NSMCE2: variants seen among roughly 807,000 people sequenced by gnomAD.
NSMCE2 encodes E3 SUMO-protein ligase NSE2.
Under a neutral mutation model 23.8 loss-of-function variants are expected in NSMCE2, and 24 were observed. That is an observed-to-expected ratio of 1.01 (90% CI 0.73 to 1.42). The LOEUF is 1.42. NSMCE2 is among the 40% of genes most tolerant of loss of function. The pLI is 0.00. For missense variants in NSMCE2, 284 were observed against 296.5 expected, an observed-to-expected ratio of 0.96 and a Z score of 0.31; for synonymous variants, 92 against 94.1, an observed-to-expected ratio of 0.98 and a Z score of 0.13.
intron 5 of NSMCE2, among the ~76,000 whole-genome samples, chr8:125,257,689 A>G (rs1826502599): frequency 6.6e-6 from 1 of 151,910 alleles, no homozygotes; most frequent in Non-Finnish European, 1.5e-5. Flanking sequence ...GCTCACCACC[A>G]TGCCTGTCGA....
intron 5 of NSMCE2, among the ~76,000 whole-genome samples, chr8:125,328,783 C>G (rs1325856386): frequency 6.6e-6 from 1 of 151,144 alleles, no homozygotes; most frequent in Non-Finnish European, 1.5e-5. Flanking sequence ...GTTTTTTTTT[C>G]TGTTTTATTT....
intron 5 of NSMCE2, among the ~76,000 whole-genome samples, chr8:125,225,637 T>C (rs1392563651): frequency 6.6e-6 from 1 of 152,238 alleles, no homozygotes; most frequent in Admixed American, 6.5e-5. Context: ...CATTGTGCTC[T>C]GGGGTATATT....
chr8:125,366,814 C>T lies in NSMCE2; in HGVS notation c.673C>T (p.Leu225Phe). 1 of 1,613,538 alleles carries T rather than the reference C, an allele frequency of 6.2e-7. No homozygotes were observed. Among genetic ancestry groups the T allele is most frequent in the Non-Finnish European group, 8.5e-7 (1 of 1,179,448 alleles). The change falls in exon 8 of 8, where the codon CTT becomes TTT. Residue 225 changes from leucine to phenylalanine, a missense_variant. Transcript: ENST00000287437. ...CSHTDIRKSDLIQDEALRRAI... is the reference protein window; with the variant it reads ...CSHTDIRKSDFIQDEALRRAI... ...CCACACGGATATAAGAAAGTCAGAT[C>T]TTATCCAGGATGAAGCACTTAGAAG...
rs1257684571 is a variant in NSMCE2 at position 125,091,908 on chromosome 8, T to G, written c.-161T>G. 6.6e-6 allele frequency: 1 copy of G among 152,296 alleles called. No individual in the cohort carries two copies. Among genetic ancestry groups the G allele is most frequent in the Non-Finnish European group, 1.5e-5 (1 of 68,160 alleles). 9.4% of individuals were successfully genotyped at this position (152,296 alleles called of 1,614,324 possible). On this transcript the variant is annotated 5_prime_UTR_variant, in exon 1 of 8. Coordinates refer to ENST00000287437, the MANE Select transcript of NSMCE2 (RefSeq NM_173685.4). ...GGGGGCTGAGGAAAGGAGGTGGGTCTAGGCAGGGGAAATTGGGGTGCCACC... is the reference window on the plus strand; with the variant it reads ...GGGGGCTGAGGAAAGGAGGTGGGTCGAGGCAGGGGAAATTGGGGTGCCACC...
At chr8:125,172,043 T>C (rs374435320) in intron 4 of NSMCE2, among the ~76,000 whole-genome samples, 4 of 152,218 alleles carry the variant, frequency 2.6e-5, no homozygotes, top group African/African-American at 9.6e-5. Context: ...ATTAATTCAT[T>C]TAATACTCAA....
intron 3 of NSMCE2, among the ~76,000 whole-genome samples, chr8:125,107,708 A>T (rs1333429864): frequency 5.3e-5 from 8 of 152,204 alleles, no homozygotes; most frequent in Admixed American, 5.2e-4. Flanking sequence ...AAAGAAAAAC[A>T]AACAAACCCA....
chr8:125,093,690 T>A (rs1197189649), intron 1 of NSMCE2, among the ~76,000 whole-genome samples: 2 of 151,974 alleles, frequency 1.3e-5, no homozygotes, highest in Non-Finnish European at 2.9e-5. Flanking sequence ...GCCACTGCAC[T>A]CCAGTTTGGG....
intron 5 of NSMCE2, among the ~76,000 whole-genome samples, chr8:125,242,924 CT>C (rs201267448): frequency 2.0e-5 from 3 of 151,600 alleles, no homozygotes; most frequent in Admixed American, 6.6e-5. Flanking sequence ...GCTGCAGTCA[CT>C]TTTTTTTTCT....
intron 5 of NSMCE2, among the ~76,000 whole-genome samples, chr8:125,328,745 A>G (rs772864765): frequency 6.6e-6 from 1 of 151,974 alleles, no homozygotes; most frequent in Non-Finnish European, 1.5e-5. Flanking sequence ...CTTTTCATTC[A>G]TCCCTGTCAT....
intron 5 of NSMCE2, among the ~76,000 whole-genome samples, chr8:125,231,455 A>G (rs1825319530): frequency 6.6e-6 from 1 of 152,230 alleles, no homozygotes; most frequent in Non-Finnish European, 1.5e-5. Flanking sequence ...GTAGTGATAC[A>G]TCTCAGAGAT....
chr8:125,264,367 A>G (rs1298265538), intron 5 of NSMCE2, among the ~76,000 whole-genome samples: 1 of 152,030 alleles, frequency 6.6e-6, no homozygotes, highest in Admixed American at 6.5e-5. Context: ...CATGCCTGTC[A>G]CTCTCAGCAG....
At chr8:125,272,737 A>C (rs1206761355) in intron 5 of NSMCE2, among the ~76,000 whole-genome samples, 1 of 132,236 alleles carries the variant, frequency 7.6e-6, no homozygotes, top group African/African-American at 2.9e-5. Context: ...ATACACACAC[A>C]CACATATATA....
At chr8:125,192,615 A>G (rs1823407269) in intron 5 of NSMCE2, among the ~76,000 whole-genome samples, 1 of 152,222 alleles carries the variant, frequency 6.6e-6, no homozygotes, top group South Asian at 2.1e-4. Context: ...GAGCACAGTC[A>G]TACAATTTTA....
chr8:125,192,398 G>T (rs1299442791), intron 5 of NSMCE2, among the ~76,000 whole-genome samples: 1 of 150,388 alleles, frequency 6.6e-6, no homozygotes, highest in African/African-American at 2.5e-5. Flanking sequence ...GTTATTGTGT[G>T]TATAGCAAGT....
chr8:125,118,730 G>T (rs749530372), intron 3 of NSMCE2, among the ~76,000 whole-genome samples: 5 of 152,100 alleles, frequency 3.3e-5, no homozygotes, highest in Non-Finnish European at 7.4e-5. Flanking sequence ...AGAACTATAC[G>T]ACTATTAAGG....
At chr8:125,111,701 A>G (rs1481662337) in intron 3 of NSMCE2, among the ~76,000 whole-genome samples, 2 of 152,210 alleles carry the variant, frequency 1.3e-5, no homozygotes, top group East Asian at 3.9e-4. Flanking sequence ...TTGGGAGGCT[A>G]AGGCACAAGA....
At chr8:125,152,958 G>A (rs1406775712) in intron 4 of NSMCE2, among the ~76,000 whole-genome samples, 3 of 150,848 alleles carry the variant, frequency 2.0e-5, no homozygotes, top group African/African-American at 7.3e-5. Context: ...TCAGGAGGCT[G>A]AGGCAGGAGA....
chr8:125,358,447 A>G (rs1163507792), intron 7 of NSMCE2, among the ~76,000 whole-genome samples: 1 of 150,088 alleles, frequency 6.7e-6, no homozygotes, highest in East Asian at 1.9e-4. Context: ...ATTATATGTT[A>G]TATATTGTTT....
chr8:125,256,042 G>A (rs1263244947), intron 5 of NSMCE2, among the ~76,000 whole-genome samples: 1 of 152,214 alleles, frequency 6.6e-6, no homozygotes, highest in East Asian at 1.9e-4. Context: ...CCAGCACTTT[G>A]GGAGGCTGAG....
Sources: gnomAD v4.1 joint callset for allele counts (sites outside exome capture counted in the v4.1 genomes callset) on GRCh38, gnomAD v4.1.1 for gene constraint, MANE v1.5 for transcripts, NCBI Gene and HGNC (gene_info 2026-07-23, HGNC 2026-07-21) for gene names.